The following HDAC9 variants were observed in gnomAD, a reference collection of about 807,000 sequenced individuals.
The protein encoded by HDAC9 is histone deacetylase 9, also known as MEF-2 interacting transcription repressor (MITR) protein.
In HDAC9, 41 loss-of-function variants were observed where a neutral mutation model predicts 139.4. The ratio of observed to expected loss-of-function variants is 0.29; its 90% CI spans 0.23 to 0.38. The LOEUF is 0.38. Ranked by LOEUF, HDAC9 falls within the 10% of genes least tolerant of loss-of-function variation. HDAC9 has a pLI of 1.00. For missense variants in HDAC9, 1,147 were observed against 1,297.0 expected, an observed-to-expected ratio of 0.88 and a Z score of 1.78; for synonymous variants, 517 against 476.2, an observed-to-expected ratio of 1.09 and a Z score of -1.12.
intron 6 of HDAC9, among the ~76,000 whole-genome samples, chr7:18,618,726 G>GTATATATATATATATATATA (rs71014394): frequency 5.0e-5 from 6 of 120,038 alleles, no homozygotes; most frequent in South Asian, 5.5e-4. Context: ...ACAGAATTTT[G>GTATATATATATATATATATA]TATATATATA....
At chr7:18,898,585 C>G (rs562769277) in intron 22 of HDAC9, among the ~76,000 whole-genome samples, 1 of 151,850 alleles carries the variant, frequency 6.6e-6, no homozygotes, top group East Asian at 1.9e-4. Flanking sequence ...CTCATTTTAT[C>G]TAAGTTACAA....
At chr7:18,103,395 G>C (rs769671799) in intron 1 of HDAC9, among the ~76,000 whole-genome samples, 4 of 152,126 alleles carry the variant, frequency 2.6e-5, no homozygotes, top group Admixed American at 6.5e-5. Flanking sequence ...AGGGTATATT[G>C]TGTGATGCTG....
intron 1 of HDAC9, among the ~76,000 whole-genome samples, chr7:18,331,190 A>G (rs765182195): frequency 4.0e-5 from 6 of 151,806 alleles, no homozygotes; most frequent in South Asian, 4.1e-4. Context: ...TTCCTTCAGC[A>G]TCATTCCCAT....
intron 1 of HDAC9, among the ~76,000 whole-genome samples, chr7:18,485,617 TTATG>T (rs1300156767): frequency 6.6e-6 from 1 of 151,788 alleles, no homozygotes; most frequent in Non-Finnish European, 1.5e-5. Flanking sequence ...TAGTTCTAAT[TTATG>T]TATTAATATT....
intron 1 of HDAC9, among the ~76,000 whole-genome samples, chr7:18,362,355 T>G (rs1783847825): frequency 6.6e-6 from 1 of 152,206 alleles, no homozygotes; most frequent in South Asian, 2.1e-4. Context: ...TCTATTATCT[T>G]TGTAGAAGAA....
intron 2 of HDAC9, among the ~76,000 whole-genome samples, chr7:18,214,062 A>G (rs1584671812): frequency 6.6e-6 from 1 of 152,246 alleles, no homozygotes; most frequent in Non-Finnish European, 1.5e-5. Flanking sequence ...ACCAGGAACT[A>G]TGCTAATCAC....
At chr7:18,931,924 G>A (rs189887876) in intron 22 of HDAC9, among the ~76,000 whole-genome samples, 46 of 152,206 alleles carry the variant, frequency 3.0e-4, no homozygotes, top group Non-Finnish European at 4.6e-4. Context: ...TGGTGGATGC[G>A]TGACATTATG....
At chr7:18,128,826 T>C (rs1186395964) in intron 1 of HDAC9, among the ~76,000 whole-genome samples, 1 of 152,116 alleles carries the variant, frequency 6.6e-6, no homozygotes, top group African/African-American at 2.4e-5. Flanking sequence ...CTTTTCCTTG[T>C]CTTCCTTCCC....
At chr7:18,340,154 C>A (rs192282948) in intron 1 of HDAC9, among the ~76,000 whole-genome samples, 2 of 151,424 alleles carry the variant, frequency 1.3e-5, no homozygotes, top group Non-Finnish European at 1.5e-5. Flanking sequence ...ATATTTATCT[C>A]CAATAATATT....
chr7:18,296,871 G>A (rs899826255), intron 1 of HDAC9, among the ~76,000 whole-genome samples: 4 of 152,188 alleles, frequency 2.6e-5, no homozygotes, highest in Non-Finnish European at 5.9e-5. Flanking sequence ...TAGAATGGAG[G>A]TTTTATGAAC....
intron 12 of HDAC9, among the ~76,000 whole-genome samples, chr7:18,712,419 A>C (rs1170944528): frequency 2.6e-5 from 4 of 152,230 alleles, no homozygotes. Context: ...TGCCATAGTC[A>C]CTTATTCTGC....
intron 2 of HDAC9, among the ~76,000 whole-genome samples, chr7:18,178,874 C>T (rs568718232): frequency 9.9e-5 from 15 of 152,270 alleles, no homozygotes; most frequent in Middle Eastern, 3.4e-3. Flanking sequence ...TATACATTTT[C>T]AGTTCCTCTT....
intron 2 of HDAC9, among the ~76,000 whole-genome samples, chr7:18,230,651 T>G (rs1175796387): frequency 6.6e-6 from 1 of 152,238 alleles, no homozygotes; most frequent in Non-Finnish European, 1.5e-5. Flanking sequence ...GCTATTTGAC[T>G]TTGATTTTAT....
intron 1 of HDAC9, among the ~76,000 whole-genome samples, chr7:18,414,836 C>T (rs563773072): frequency 6.6e-6 from 1 of 152,168 alleles, no homozygotes; most frequent in African/African-American, 2.4e-5. Context: ...AATGGGGAAG[C>T]AGAGGATGTT....
intron 1 of HDAC9, among the ~76,000 whole-genome samples, chr7:18,422,742 G>A (rs562703757): frequency 6.6e-5 from 9 of 136,124 alleles, no homozygotes; most frequent in East Asian, 2.1e-4. Flanking sequence ...ACACACACAC[G>A]CGCACACACA....
chr7:18,446,478 A>C (rs1418288738), intron 1 of HDAC9, among the ~76,000 whole-genome samples: 1 of 152,176 alleles, frequency 6.6e-6, no homozygotes, highest in Admixed American at 6.5e-5. Flanking sequence ...CCTTTTTGCT[A>C]ATGCTGCTTC....
intron 25 of HDAC9, among the ~76,000 whole-genome samples, chr7:18,984,890 G>T (rs943986179): frequency 2.0e-5 from 3 of 152,020 alleles, no homozygotes; most frequent in Admixed American, 6.6e-5. Context: ...GTATTGTTAT[G>T]GTAGGTGTGA....
At chr7:18,470,101 G>T (rs1210416147) in intron 1 of HDAC9, among the ~76,000 whole-genome samples, 3 of 151,998 alleles carry the variant, frequency 2.0e-5, no homozygotes, top group Admixed American at 6.6e-5. Flanking sequence ...GCTTTGGGTG[G>T]CCAAGGTAGG....
chr7:18,656,096 G>T (rs1006064971), intron 11 of HDAC9, among the ~76,000 whole-genome samples: 1 of 147,152 alleles, frequency 6.8e-6, no homozygotes, highest in African/African-American at 2.5e-5. Flanking sequence ...CCTGGTTTTA[G>T]TTCTTTTTTC....
Sources: gnomAD v4.1 joint callset for allele counts (sites outside exome capture counted in the v4.1 genomes callset) on GRCh38, gnomAD v4.1.1 for gene constraint, MANE v1.5 for transcripts, NCBI Gene and HGNC (gene_info 2026-07-23, HGNC 2026-07-21) for gene names.